The following HIP1 variants were observed in gnomAD, a reference collection of about 807,000 sequenced individuals.
HIP1 encodes the protein huntingtin interacting protein 1, also known as huntingtin-interacting protein 1.
A neutral mutation model predicts 147.6 loss-of-function variants in HIP1; 65 were observed. The observed-to-expected ratio is 0.44, with a 90% confidence interval of 0.36 to 0.54. HIP1 has a LOEUF of 0.54. Among genes scored for constraint, HIP1 ranks in the 20% least tolerant of loss-of-function variants. The pLI, the probability that HIP1 is intolerant of heterozygous loss-of-function variation, is 0.00. For missense variants in HIP1, 1,061 were observed against 1,299.6 expected, an observed-to-expected ratio of 0.82 and a Z score of 2.82; for synonymous variants, 479 against 504.0, an observed-to-expected ratio of 0.95 and a Z score of 0.67.
intron 1 of HIP1, among the ~76,000 whole-genome samples, chr7:75,688,941 G>T (rs1800356395): frequency 6.6e-6 from 1 of 152,166 alleles, no homozygotes; most frequent in Admixed American, 6.6e-5. Flanking sequence ...CCACGCGCAG[G>T]ACCCCTGTCT....
At chr7:75,669,993 G>T (rs1416553126) in intron 1 of HIP1, among the ~76,000 whole-genome samples, 3 of 152,050 alleles carry the variant, frequency 2.0e-5, no homozygotes, top group Middle Eastern at 3.2e-3. Context: ...TAGAGACGGG[G>T]TTTCGTCATG....
rs141348376 is a variant in HIP1 at position 75,559,821 on chromosome 7, T to C, written c.1286A>G (p.Asp429Gly). 121 of 1,612,338 alleles carry C rather than the reference T, an allele frequency of 7.5e-5. No homozygotes were observed. The highest frequency in any genetic ancestry group is 6.6e-4 in the Middle Eastern group (4 of 6,048). Reference sequence around the variant, plus strand: ...CAGTTCTGCCCGCAGGAATTCACAGTCGTCGGCCGCCTGCTGCCGCAGGTG... The same window carrying C: ...CAGTTCTGCCCGCAGGAATTCACAGCCGTCGGCCGCCTGCTGCCGCAGGTG... Reference protein sequence around the residue: ...QQHLRQQAADDCEFLRAELDE... With the variant: ...QQHLRQQAADGCEFLRAELDE... The change falls in exon 14 of 31, where the codon GAC (aspartate) becomes GGC (glycine). Residue 429 changes from aspartate (D) to glycine (G), a missense_variant. Asp to Gly is a moderately conservative substitution (Grantham distance 94). Around this residue, in one of 3 missense-constraint regions of HIP1, gnomAD observed 810 missense variants for 946.8 expected, o/e 0.86. Coordinates refer to ENST00000336926, the MANE Select transcript of HIP1 (RefSeq NM_005338.7).
chr7:75,659,582 GA>G (rs1293997721), intron 1 of HIP1, among the ~76,000 whole-genome samples: 2 of 152,074 alleles, frequency 1.3e-5, no homozygotes, highest in Admixed American at 1.3e-4. Context: ...CTGGGAGGCA[GA>G]GGTTGCAGAG....
chr7:75,680,770 C>G (rs148333501), intron 1 of HIP1, among the ~76,000 whole-genome samples: 3 of 151,222 alleles, frequency 2.0e-5, no homozygotes, highest in Non-Finnish European at 4.4e-5. Context: ...CCACCACGCC[C>G]GGCTAAATTT....
intron 1 of HIP1, among the ~76,000 whole-genome samples, chr7:75,642,418 C>T (rs772956825): frequency 6.6e-6 from 1 of 152,096 alleles, no homozygotes; most frequent in Non-Finnish European, 1.5e-5. Context: ...GCCTGTAATC[C>T]CATCTAGTCA....
At chr7:75,723,959 G>T (rs1314495845) in intron 1 of HIP1, among the ~76,000 whole-genome samples, 2 of 149,024 alleles carry the variant, frequency 1.3e-5, no homozygotes, top group South Asian at 2.1e-4. Context: ...TAGAGAGAGA[G>T]AGAGAGAGAG....
intron 7 of HIP1, among the ~76,000 whole-genome samples, chr7:75,574,744 C>T (rs973953637): frequency 6.6e-6 from 1 of 152,180 alleles, no homozygotes; most frequent in African/African-American, 2.4e-5. Flanking sequence ...GTGAACTAAG[C>T]GCTACTCTGT....
chr7:75,686,882 T>C (rs1800280129), intron 1 of HIP1, among the ~76,000 whole-genome samples: 1 of 145,460 alleles, frequency 6.9e-6, no homozygotes, highest in African/African-American at 2.6e-5. Flanking sequence ...TACAGGGTCT[T>C]GTATGTTGCC....
chr7:75,711,735 T>C (rs539997680), intron 1 of HIP1, among the ~76,000 whole-genome samples: 3 of 152,346 alleles, frequency 2.0e-5, no homozygotes, highest in African/African-American at 7.2e-5. Flanking sequence ...GACCTCTCTC[T>C]GAGGTATGCC....
At chr7:75,573,691 G>A in intron 8 of HIP1, 70 bp downstream of exon 8, 1 of 1,490,654 alleles carries the variant, frequency 6.7e-7, no homozygotes, top group Non-Finnish European at 9.2e-7. Context: ...TTTCTCTGGG[G>A]ACATCCTCAG....
intron 16 of HIP1, among the ~76,000 whole-genome samples, chr7:75,557,359 A>T (rs1795053604): frequency 6.6e-6 from 1 of 151,836 alleles, no homozygotes. Context: ...AACAAAAAAA[A>T]ACGCTCATCC....
At chr7:75,666,885 T>C (rs972490114) in intron 1 of HIP1, among the ~76,000 whole-genome samples, 56 of 152,304 alleles carry the variant, frequency 3.7e-4, no homozygotes, top group African/African-American at 9.6e-4. Flanking sequence ...TTCACCGTTA[T>C]GCGACGCTCC....
At chr7:75,660,973 C>CA (rs1237227806) in intron 1 of HIP1, among the ~76,000 whole-genome samples, 15 of 151,434 alleles carry the variant, frequency 9.9e-5, no homozygotes. Context: ...CTGCAGGCAG[C>CA]AAAAAAAATC....
In HIP1 at chr7:75,535,177, C is replaced by T; in HGVS notation, c.*2995G>A. The T allele has an allele frequency of 4.7e-6, 1 of 213,342 alleles. No homozygotes were observed. Among genetic ancestry groups the T allele is most frequent in the Non-Finnish European group, 9.5e-6 (1 of 105,374 alleles). 13.2% of individuals were successfully genotyped at this position (213,342 alleles called of 1,614,324 possible). A position where few individuals can be genotyped will look rare whatever the true frequency, so the allele number is the denominator to read the frequency against. ...TTAAGTGCTTTCTTAACCGTTATGA[C>T]TCAGGCTAAGTCGATGAAGTTTTTA... On this transcript the variant is annotated 3_prime_UTR_variant, in exon 31 of 31. Transcript: ENST00000336926.
intron 1 of HIP1, among the ~76,000 whole-genome samples, chr7:75,686,222 C>T (rs1584950421): frequency 6.6e-6 from 1 of 152,178 alleles, no homozygotes; most frequent in Admixed American, 6.6e-5. Flanking sequence ...ACAATGGCAT[C>T]TTTTATTGAC....
intron 1 of HIP1, among the ~76,000 whole-genome samples, chr7:75,620,676 GC>G (rs1563250600): frequency 1.3e-5 from 2 of 151,868 alleles, no homozygotes; most frequent in African/African-American, 2.4e-5. Flanking sequence ...AAAGAGTGAG[GC>G]TCTGTCTCAA....
At chr7:75,670,786 C>CTTTTTTTTTTTTTTT (rs782710876) in intron 1 of HIP1, among the ~76,000 whole-genome samples, 13 of 122,852 alleles carry the variant, frequency 1.1e-4, no homozygotes, top group Non-Finnish European at 1.6e-4. Context: ...CTAATTAAAA[C>CTTTTTTTTTTTTTTT]TTTTTTTTTT....
intron 1 of HIP1, among the ~76,000 whole-genome samples, chr7:75,730,274 A>G (rs1336922748): frequency 6.6e-6 from 1 of 152,080 alleles, no homozygotes; most frequent in Non-Finnish European, 1.5e-5. Flanking sequence ...AGGCAGTGAC[A>G]GAAGGACAAA....
chr7:75,577,699 T>C (rs1554497974), intron 7 of HIP1, among the ~76,000 whole-genome samples: 1 of 152,128 alleles, frequency 6.6e-6, no homozygotes, highest in African/African-American at 2.4e-5. Flanking sequence ...TAATGAACAA[T>C]GCATATAAAA....
Sources: gnomAD v4.1 joint callset for allele counts (sites outside exome capture counted in the v4.1 genomes callset) on GRCh38, gnomAD v4.1.1 for gene constraint, gnomAD v4.1.1 regional missense constraint, MANE v1.5 for transcripts, NCBI Gene and HGNC (gene_info 2026-07-23, HGNC 2026-07-21) for gene names.